RASAL2: variants seen among roughly 807,000 people sequenced by gnomAD.
RASAL2 encodes RAS protein activator like 2.
A neutral mutation model predicts 128.9 loss-of-function variants in RASAL2; 58 were observed. That is an observed-to-expected ratio of 0.45 (90% CI 0.36 to 0.56). The LOEUF is 0.56. Among genes scored for constraint, RASAL2 ranks in the 20% least tolerant of loss-of-function variants. The pLI is 0.00. For synonymous variants in RASAL2, 561 were observed against 580.8 expected (o/e 0.97, Z 0.49); for missense variants, 1,360 against 1,601.6 (o/e 0.85, Z 2.57).
At position 178,473,190 on chromosome 1, in the gene RASAL2, C is replaced by A. The variant is rs1332230438; in HGVS notation, c.3794C>A (p.Thr1265Asn). 6.2e-7 allele frequency: 1 copy of A among 1,614,204 alleles called. No individual in the cohort carries two copies. The highest frequency in any genetic ancestry group is 1.1e-5 in the South Asian group (1 of 91,078). The part of the protein sequence containing the change: ...VRNGISPTNP[T>N]KLSITENGEF... ...AATGGCATCTCCCCCACCAACCCCA[C>A]CAAGCTTTCCATCACGGAGAATGGT... The change falls in exon 18 of 18, where the codon ACC becomes AAC. Residue 1265 changes from threonine (T) to asparagine (N), a missense_variant. Around this residue, in one of 3 missense-constraint regions of RASAL2, gnomAD observed 741 missense variants for 868.6 expected, o/e 0.85. Transcript: ENST00000367649.
chr1:178,257,574 A>G (rs1665430342), intron 1 of RASAL2, among the ~76,000 whole-genome samples: 1 of 152,204 alleles, frequency 6.6e-6, no homozygotes, highest in African/African-American at 2.4e-5. Context: ...ATGGTGGCTC[A>G]CGCCTGTAAT....
At chr1:178,229,512 G>A (rs1663919524) in intron 1 of RASAL2, among the ~76,000 whole-genome samples, 1 of 151,666 alleles carries the variant, frequency 6.6e-6, no homozygotes, top group African/African-American at 2.4e-5. Context: ...GTACCAGTCT[G>A]ATTTTGCTCA....
intron 6 of RASAL2, among the ~76,000 whole-genome samples, chr1:178,440,096 C>T (rs538382008): frequency 1.3e-5 from 2 of 152,074 alleles, no homozygotes; most frequent in African/African-American, 4.8e-5. Context: ...TTGCAGGTGC[C>T]TGATTTTTGA....
intron 3 of RASAL2, among the ~76,000 whole-genome samples, chr1:178,361,225 G>A (rs554958383): frequency 1.3e-5 from 2 of 152,100 alleles, no homozygotes; most frequent in Admixed American, 1.3e-4. Flanking sequence ...AACTACAGCC[G>A]AATTTACAAC....
At chr1:178,108,462 C>T (rs1485385875) in intron 1 of RASAL2, among the ~76,000 whole-genome samples, 1 of 152,110 alleles carries the variant, frequency 6.6e-6, no homozygotes, top group Non-Finnish European at 1.5e-5. Context: ...TGCTTTATGC[C>T]TGTTAACTTA....
intron 3 of RASAL2, among the ~76,000 whole-genome samples, chr1:178,333,395 TTACTG>T (rs1394251051): frequency 2.0e-5 from 3 of 152,216 alleles, no homozygotes; most frequent in Admixed American, 2.0e-4. Context: ...ATATTAGACT[TTACTG>T]AGGTGAAGCT....
rs761376854 is a variant in RASAL2 at position 178,094,509 on chromosome 1, C to G, written c.17C>G (p.Ser6Trp). 1 of 1,560,122 alleles carries G rather than the reference C, an allele frequency of 6.4e-7. No homozygotes were observed. Among genetic ancestry groups the G allele is most frequent in the Non-Finnish European group, 8.7e-7 (1 of 1,153,566 alleles). Residue 6 changes from serine (S) to tryptophan (W), a missense_variant, in exon 1 of 18, where the codon TCG (serine) becomes TGG (tryptophan). Transcript: ENST00000367649. Reference sequence around the variant, plus strand: ...CGGGGCACCATGGAGCTCTCTCCGTCGTCCGGAGGAGCCGCGGAGGCGCTG... The same window carrying G: ...CGGGGCACCATGGAGCTCTCTCCGTGGTCCGGAGGAGCCGCGGAGGCGCTG... MELSP[S>W]SGGAAEALSW...
chr1:178,323,110 G>A (rs1400702278), intron 3 of RASAL2, among the ~76,000 whole-genome samples: 1 of 150,782 alleles, frequency 6.6e-6, no homozygotes, highest in Non-Finnish European at 1.5e-5. Context: ...GAATTCATTA[G>A]CATTTTTGTT....
intron 3 of RASAL2, among the ~76,000 whole-genome samples, chr1:178,354,003 A>G (rs1255524126): frequency 2.0e-5 from 3 of 152,076 alleles, no homozygotes; most frequent in African/African-American, 7.2e-5. Flanking sequence ...TACATTTTCA[A>G]ATTACAAATT....
intron 1 of RASAL2, among the ~76,000 whole-genome samples, chr1:178,096,237 C>T (rs1413684439): frequency 6.6e-6 from 1 of 152,170 alleles, no homozygotes; most frequent in Non-Finnish European, 1.5e-5. Context: ...TCTCCTTACA[C>T]ACTTCTTTGG....
intron 1 of RASAL2, among the ~76,000 whole-genome samples, chr1:178,217,050 A>G (rs539895541): frequency 1.3e-5 from 2 of 152,096 alleles, no homozygotes; most frequent in South Asian, 4.2e-4. Flanking sequence ...ACCTCGGCTC[A>G]CTGCAACCTC....
Position 178,168,227 on chromosome 1 carries a change from C to T in RASAL2, c.202+73533C>T, listed in dbSNP as rs1037100325. On this transcript the variant is annotated intron_variant, in intron 1 of 17. Transcript: ENST00000367649. ...TTATTGAAGTTGAAATTGAAGATAA[C>T]ACACAAATAACTAAGATTTAGTCTT... is the stretch of plus-strand genomic sequence containing the variant. Among the ~76,000 whole-genome samples, 54 of 150,920 alleles carry T rather than the reference C, an allele frequency of 3.6e-4. 1 individual carries two copies. The highest frequency in any genetic ancestry group is 1.3e-4 in the Admixed American group (2 of 15,126).
chr1:178,368,188 C>A (rs559746577), intron 3 of RASAL2, among the ~76,000 whole-genome samples: 1 of 152,292 alleles, frequency 6.6e-6, no homozygotes, highest in Non-Finnish European at 1.5e-5. Context: ...AGAATCATGA[C>A]CAAGCCTTCA....
intron 1 of RASAL2, among the ~76,000 whole-genome samples, chr1:178,274,026 A>G (rs1666380890): frequency 6.6e-6 from 1 of 152,182 alleles, no homozygotes; most frequent in Non-Finnish European, 1.5e-5. Flanking sequence ...TGTGATTCAA[A>G]TGGGTCTCAA....
chr1:178,178,779 A>G (rs1487104163), intron 1 of RASAL2, among the ~76,000 whole-genome samples: 1 of 152,162 alleles, frequency 6.6e-6, no homozygotes, highest in African/African-American at 2.4e-5. Context: ...CAAAAAGAAG[A>G]TTGTTCTCAT....
chr1:178,318,880 G>T (rs1410133336), intron 3 of RASAL2, among the ~76,000 whole-genome samples: 11 of 152,064 alleles, frequency 7.2e-5, no homozygotes, highest in Non-Finnish European at 1.3e-4. Flanking sequence ...TGCAGTTTCT[G>T]CCTAGTCTCG....
At chr1:178,113,310 C>T (rs1459501077) in intron 1 of RASAL2, among the ~76,000 whole-genome samples, 3 of 151,418 alleles carry the variant, frequency 2.0e-5, no homozygotes, top group African/African-American at 7.3e-5. Flanking sequence ...ACTTTGACTA[C>T]TCTAGATCAT....
At chr1:178,297,359 T>C (rs970902134) in intron 2 of RASAL2, among the ~76,000 whole-genome samples, 1 of 151,896 alleles carries the variant, frequency 6.6e-6, no homozygotes, top group East Asian at 1.9e-4. Context: ...CCCAGCACTT[T>C]GGGAGGCTGA....
At chr1:178,260,276 G>C (rs1178762493) in intron 1 of RASAL2, among the ~76,000 whole-genome samples, 1 of 144,778 alleles carries the variant, frequency 6.9e-6, no homozygotes, top group African/African-American at 2.5e-5. Context: ...TGCTTGAACC[G>C]GAGAGGCGGA....
Sources: gnomAD v4.1 joint callset for allele counts (sites outside exome capture counted in the v4.1 genomes callset) on GRCh38, gnomAD v4.1.1 for gene constraint, gnomAD v4.1.1 regional missense constraint, MANE v1.5 for transcripts, NCBI Gene and HGNC (gene_info 2026-07-23, HGNC 2026-07-21) for gene names.